Variants in SCN7A observed in about 807,000 individuals in gnomAD.
The protein encoded by SCN7A is sodium channel protein type 7 subunit alpha.
A neutral mutation model predicts 155.2 loss-of-function variants in SCN7A; 138 were observed. The observed-to-expected ratio is 0.89, with a 90% CI of 0.77 to 1.02. The LOEUF (loss-of-function observed/expected upper bound fraction) is 1.02, where lower values mean the gene tolerates loss of function less well. Among genes scored for constraint, SCN7A ranks in the 50% least tolerant of loss-of-function variants. The pLI, the probability that SCN7A is intolerant of heterozygous loss-of-function variation, is 0.00. For synonymous variants in SCN7A, 693 were observed against 649.0 expected (o/e 1.07, Z -1.03); for missense variants, 2,058 against 1,986.6 (o/e 1.04, Z -0.68).
Position 166,470,617 on chromosome 2 carries a change from T to C in SCN7A, c.662A>G (p.Gln221Arg). The C allele has an allele frequency of 6.2e-7, 1 of 1,600,928 alleles. No homozygotes were observed. The highest frequency in any genetic ancestry group is 8.5e-7 in the Non-Finnish European group (1 of 1,172,328). ...LRILKIIPLN[Q>R]GLKSLVGVLI... Reference sequence around the variant, plus strand: ...AGACATTCAATGCAATTTCTTACCTTGATTTAAAGGAATAATTTTTAAAAT... The same window carrying C: ...AGACATTCAATGCAATTTCTTACCTCGATTTAAAGGAATAATTTTTAAAAT... Residue 221 changes from glutamine to arginine, a missense_variant and splice_region_variant, in exon 7 of 26, where the codon CAA (glutamine) becomes CGA (arginine). Gln to Arg is a conservative substitution (Grantham distance 43). Coordinates refer to ENST00000643258, the MANE Select transcript of SCN7A (RefSeq NM_002976.4).
At chr2:166,429,768 T>C (rs1701695738) in intron 16 of SCN7A, among the ~76,000 whole-genome samples, 2 of 151,956 alleles carry the variant, frequency 1.3e-5, no homozygotes, top group Non-Finnish European at 2.9e-5. Context: ...GGATTTATCA[T>C]GAAGTAAAAT....
At chr2:166,422,355 C>T (rs976271506) in intron 19 of SCN7A, among the ~76,000 whole-genome samples, 1 of 151,942 alleles carries the variant, frequency 6.6e-6, no homozygotes, top group African/African-American at 2.4e-5. Context: ...CAGACAATAA[C>T]AAAATAAATG....
chr2:166,439,055 G>GTGTGTGTGTATATATATATA (rs375208870), intron 15 of SCN7A, among the ~76,000 whole-genome samples: 1 of 113,412 alleles, frequency 8.8e-6, no homozygotes, highest in African/African-American at 3.8e-5. Context: ...GTGTGTGTGT[G>GTGTGTGTGTATATATATATA]TATATATATA....
chr2:166,427,188 G>A lies in SCN7A; in HGVS notation c.2853+600C>T, dbSNP rs544645583. 1.7e-3 allele frequency among the ~76,000 whole-genome samples: 263 copies of A among 152,118 alleles called. 1 individual carries two copies. Among genetic ancestry groups the A allele is most frequent in the Non-Finnish European group, 3.2e-3 (216 of 67,992 alleles). On this transcript the variant is annotated intron_variant, in intron 18 of 25. Coordinates refer to ENST00000643258, the MANE Select transcript of SCN7A (RefSeq NM_002976.4). Reference sequence around the variant, plus strand: ...GAGTTCCATTGGATGATTTTTCATAGTATAAAGTCAGCTATTACAGACCTT... The same window carrying A: ...GAGTTCCATTGGATGATTTTTCATAATATAAAGTCAGCTATTACAGACCTT...
At chr2:166,486,998 TC>T (rs1703067806) in intron 1 of SCN7A, 30 bp from the exon 2 acceptor site, 1 of 152,168 alleles carries the variant, frequency 6.6e-6, no homozygotes, top group African/African-American at 2.4e-5. Context: ...AAGCTTGAAA[TC>T]AGACAAACAC....
rs1702527081 is a variant in SCN7A at position 166,465,997 on chromosome 2, G to T, written c.665-10C>A. 6.3e-7 allele frequency: 1 copy of T among 1,592,776 alleles called. No individual in the cohort carries two copies. The highest frequency in any genetic ancestry group is 1.3e-5 in the African/African-American group (1 of 74,358). ...ACAAGGGATTTCAGACCTGGAAAGA[G>T]AAACATTTGTTTTCGAAATAATGTA... On this transcript the variant is annotated splice_polypyrimidine_tract_variant and intron_variant, in intron 7 of 25. Transcript: ENST00000643258.
At chr2:166,420,383 AT>A (rs1701486232) in intron 20 of SCN7A, among the ~76,000 whole-genome samples, 2 of 152,222 alleles carry the variant, frequency 1.3e-5, no homozygotes, top group South Asian at 4.1e-4. Flanking sequence ...TATGAAAAAA[AT>A]CTATGTAAAT....
chr2:166,470,616 T>G lies in SCN7A; in HGVS notation c.663A>C (p.Gln221His). The G allele has an allele frequency of 1.9e-6, 3 of 1,600,328 alleles. No individual in the cohort carries two copies. Among genetic ancestry groups the G allele is most frequent in the Non-Finnish European group, 2.6e-6 (3 of 1,171,980 alleles). ...LRILKIIPLN[Q>H]GLKSLVGVLI... The stretch of plus-strand genomic sequence containing the variant: ...AAGACATTCAATGCAATTTCTTACC[T>G]TGATTTAAAGGAATAATTTTTAAAA... Residue 221 changes from glutamine to histidine, a missense_variant and splice_region_variant, in exon 7 of 26, where the codon CAA (glutamine) becomes CAC (histidine). By Grantham distance (24) the Gln-to-His change is conservative (BLOSUM62 0). Coordinates refer to ENST00000643258, the MANE Select transcript of SCN7A (RefSeq NM_002976.4).
intron 7 of SCN7A, among the ~76,000 whole-genome samples, chr2:166,467,485 T>TTATA (rs150038538): frequency 0.014 from 2,038 of 144,376 alleles, 13 homozygotes; most frequent in Middle Eastern, 0.051. Context: ...TTATATATGT[T>TTATA]TATATATATA....
At chr2:166,492,976 GC>G (rs1683147255) in intron 1 of SCN7A, among the ~76,000 whole-genome samples, 1 of 152,070 alleles carries the variant, frequency 6.6e-6, no homozygotes, top group East Asian at 1.9e-4. Context: ...TGGACTTCCC[GC>G]TCAATTACTG....
rs1702634522 is a variant in SCN7A at position 166,470,683 on chromosome 2, A to G, written c.596T>C (p.Leu199Pro). The G allele has an allele frequency of 1.9e-6, 3 of 1,608,910 alleles. No individual in the cohort carries two copies. The highest frequency in any genetic ancestry group is 1.1e-5 in the South Asian group (1 of 90,738). ...VFEVIIRYSP[L>P]DFIPTLQTAR... ...AGTTTGAAGCGTTGGAATGAAGTCC[A>G]GAGGTGAGTATCTTATAATAACCCT... Residue 199 changes from leucine (L) to proline (P), a missense_variant, in exon 7 of 26, where the codon CTG becomes CCG. Transcript: ENST00000643258.
chr2:166,439,692 A>T (rs1701915861), intron 15 of SCN7A, among the ~76,000 whole-genome samples: 1 of 152,218 alleles, frequency 6.6e-6, no homozygotes, highest in African/African-American at 2.4e-5. Context: ...GTACTACTGT[A>T]ACTACAAAGG....
chr2:166,481,594 T>C (rs1702928438), intron 2 of SCN7A, among the ~76,000 whole-genome samples: 1 of 152,158 alleles, frequency 6.6e-6, no homozygotes, highest in Admixed American at 6.5e-5. Flanking sequence ...AGAACACTAA[T>C]ATAACCTGTA....
intron 23 of SCN7A, 122 bp from the exon 24 acceptor site, chr2:166,410,446 C>G (rs765390540): frequency 4.7e-6 from 3 of 638,490 alleles, no homozygotes; most frequent in South Asian, 2.3e-5. Flanking sequence ...GGCTTAAGTG[C>G]AGTGAATGAA....
At chr2:166,482,062 T>C (rs1336238893) in intron 2 of SCN7A, among the ~76,000 whole-genome samples, 1 of 152,162 alleles carries the variant, frequency 6.6e-6, no homozygotes, top group African/African-American at 2.4e-5. Flanking sequence ...AATTTCAACA[T>C]CTTACAATTT....
intron 15 of SCN7A, among the ~76,000 whole-genome samples, chr2:166,436,597 T>C (rs1701844450): frequency 6.6e-6 from 1 of 152,170 alleles, no homozygotes; most frequent in Admixed American, 6.5e-5. Flanking sequence ...GGAAGTGACT[T>C]TGGAGCTGGG....
rs72886641 is a variant in SCN7A, at chr2:166,406,859, T to C, written c.3983-213A>G. ...TGTATCAATGCTCAGGGTATCTAGC[T>C]AAATTTGGAAGATTATTTTTCTGTA... is the stretch of plus-strand genomic sequence containing the variant. On this transcript the variant is annotated intron_variant, in intron 25 of 25. Transcript: ENST00000643258. 8.6e-3 allele frequency among the ~76,000 whole-genome samples: 1,310 copies of C among 152,180 alleles called. 12 individuals are homozygous for C. Among genetic ancestry groups the C allele is most frequent in the Non-Finnish European group, 0.015 (995 of 67,964 alleles).
chr2:166,463,157 G>A lies in SCN7A; in HGVS notation c.942-627C>T, dbSNP rs192356673. 7.0e-3 allele frequency among the ~76,000 whole-genome samples: 1,070 copies of A among 152,182 alleles called. 8 individuals are homozygous for A. Among genetic ancestry groups the A allele is most frequent in the Non-Finnish European group, 0.01 (699 of 67,982 alleles). ...ATTTAAGGGTGAGAAAACATTTATCGCATCAATAATTTATAAGCAGTATTT... is the reference window on the plus strand; with the variant it reads ...ATTTAAGGGTGAGAAAACATTTATCACATCAATAATTTATAAGCAGTATTT... On this transcript the variant is annotated intron_variant, in intron 9 of 25. Transcript: ENST00000643258.
intron 15 of SCN7A, among the ~76,000 whole-genome samples, chr2:166,436,739 G>A (rs529966957): frequency 6.6e-6 from 1 of 152,292 alleles, no homozygotes; most frequent in African/African-American, 2.4e-5. Context: ...ATAAAGTTCA[G>A]GCTGAGGTGG....
Sources: gnomAD v4.1 joint callset for allele counts (sites outside exome capture counted in the v4.1 genomes callset) on GRCh38, gnomAD v4.1.1 for gene constraint, MANE v1.5 for transcripts, NCBI Gene and HGNC (gene_info 2026-07-23, HGNC 2026-07-21) for gene names.